Variants in FBXO25 observed in about 807,000 individuals in gnomAD.
FBXO25 encodes the protein F-box only protein 25.
Under a neutral mutation model 51.9 loss-of-function variants are expected in FBXO25, and 45 were observed. That is an observed-to-expected ratio of 0.87 (90% confidence interval 0.68 to 1.11). The LOEUF (loss-of-function observed/expected upper bound fraction) is 1.11. Ranked by LOEUF, FBXO25 falls within the 50% of genes most tolerant of loss-of-function variation. The pLI is 0.00. For synonymous variants in FBXO25, 199 were observed against 151.0 expected, an observed-to-expected ratio of 1.32 and a Z score of -2.33; for missense variants, 507 against 428.5, an observed-to-expected ratio of 1.18 and a Z score of -1.62.
intron 5 of FBXO25, among the ~76,000 whole-genome samples, chr8:443,956 G>C (rs1798583044): frequency 6.6e-6 from 1 of 152,002 alleles, no homozygotes; most frequent in Non-Finnish European, 1.5e-5. Flanking sequence ...CAGATTGTGG[G>C]ATCCCCCTGC....
At chr8:430,067 C>T (rs1480257733) in intron 2 of FBXO25, among the ~76,000 whole-genome samples, 1 of 152,230 alleles carries the variant, frequency 6.6e-6, no homozygotes, top group Non-Finnish European at 1.5e-5. Context: ...GTCCTTCTCC[C>T]TGTACGTATG....
chr8:433,872 A>C (rs1421802220), intron 4 of FBXO25, among the ~76,000 whole-genome samples: 3 of 152,224 alleles, frequency 2.0e-5, no homozygotes, highest in African/African-American at 7.2e-5. Context: ...GTGGGTATAG[A>C]ATGAATCAGA....
At chr8:444,928 GA>G (rs1207928460) in intron 5 of FBXO25, among the ~76,000 whole-genome samples, 1 of 152,206 alleles carries the variant, frequency 6.6e-6, no homozygotes, top group African/African-American at 2.4e-5. Flanking sequence ...TCTCGGATCA[GA>G]TTGTATCCCC....
intron 7 of FBXO25, among the ~76,000 whole-genome samples, chr8:455,342 G>C (rs755674859): frequency 6.6e-6 from 1 of 152,220 alleles, no homozygotes; most frequent in Non-Finnish European, 1.5e-5. Context: ...AGCAGTGACA[G>C]TGAAATGGGA....
intron 9 of FBXO25, chr8:467,647 C>A: frequency 6.7e-7 from 1 of 1,484,586 alleles, no homozygotes. Context: ...CTGGCTCTTT[C>A]TAATCTTAAC....
intron 5 of FBXO25, among the ~76,000 whole-genome samples, chr8:436,539 C>G (rs756411804): frequency 2.6e-4 from 39 of 152,198 alleles, no homozygotes; most frequent in Non-Finnish European, 4.3e-4. Context: ...CTACTACTTA[C>G]AACTCCTGTT....
intron 2 of FBXO25, among the ~76,000 whole-genome samples, chr8:426,896 T>C (rs1388160906): frequency 1.3e-5 from 2 of 152,198 alleles, no homozygotes; most frequent in Non-Finnish European, 2.9e-5. Context: ...TGTGTCGTGT[T>C]AGATATTTAG....
At chr8:450,220 A>T in intron 6 of FBXO25, 137 bp downstream of exon 6, 1 of 535,664 alleles carries the variant, frequency 1.9e-6, no homozygotes, top group South Asian at 3.4e-5. Context: ...TAACATCAGA[A>T]ATACAGGTCA....
At position 458,356 on chromosome 8, in the gene FBXO25, G is replaced by C. The variant is rs1799590052; in HGVS notation, c.661-13G>C. 1 of 1,611,098 alleles carries C rather than the reference G, an allele frequency of 6.2e-7. No homozygotes were observed. On this transcript the variant is annotated splice_polypyrimidine_tract_variant and intron_variant, in intron 7 of 9. Coordinates refer to ENST00000350302, the MANE Select transcript of FBXO25 (RefSeq NM_183420.2). ...CATCTTCTCAGTGAGTTGCTGTTGT[G>C]TTTTCCTTTCAGCAAGTGAACAATG... is the stretch of plus-strand genomic sequence containing the variant.
At chr8:461,704 T>C (rs532147595) in intron 8 of FBXO25, among the ~76,000 whole-genome samples, 16 of 152,258 alleles carry the variant, frequency 1.1e-4, no homozygotes, top group African/African-American at 3.9e-4. Context: ...CCTAATCGAC[T>C]TTCTGTCTCT....
chr8:457,080 T>C (rs1799489153), intron 7 of FBXO25, among the ~76,000 whole-genome samples: 1 of 152,202 alleles, frequency 6.6e-6, no homozygotes, highest in Non-Finnish European at 1.5e-5. Context: ...GCTCTCCTTG[T>C]GGCCAAGTAC....
At chr8:432,723 G>A (rs1797887682) in intron 3 of FBXO25, among the ~76,000 whole-genome samples, 163 bp from the exon 4 acceptor site, 1 of 152,188 alleles carries the variant, frequency 6.6e-6, no homozygotes, top group Non-Finnish European at 1.5e-5. Context: ...ACTGATTTAA[G>A]AAACAAAGCA....
chr8:418,548 C>T (rs12547316), intron 2 of FBXO25, among the ~76,000 whole-genome samples: 1 of 151,842 alleles, frequency 6.6e-6, no homozygotes, highest in African/African-American at 2.4e-5. Context: ...CCATATTGAC[C>T]AGAATGGTCT....
chr8:418,142 G>A (rs1267297876), intron 2 of FBXO25, among the ~76,000 whole-genome samples: 2 of 152,016 alleles, frequency 1.3e-5, no homozygotes, highest in Admixed American at 6.6e-5. Flanking sequence ...CCTTGTGTAG[G>A]CTGCATGTGT....
intron 2 of FBXO25, among the ~76,000 whole-genome samples, chr8:416,905 A>G (rs572294860): frequency 9.9e-5 from 15 of 152,208 alleles, no homozygotes; most frequent in Non-Finnish European, 2.1e-4. Flanking sequence ...AGTATGTGGG[A>G]GATAAGAAAT....
At chr8:433,068 C>A in intron 4 of FBXO25, 133 bp downstream of exon 4, 1 of 1,201,170 alleles carries the variant, frequency 8.3e-7, no homozygotes, top group Non-Finnish European at 1.1e-6. Flanking sequence ...GGTTCACATT[C>A]TGACAGATAA....
intron 7 of FBXO25, among the ~76,000 whole-genome samples, chr8:452,192 T>G (rs538601706): frequency 6.6e-6 from 1 of 152,338 alleles, no homozygotes; most frequent in South Asian, 2.1e-4. Context: ...TGCCTTAACT[T>G]TTGGCTGTTT....
chr8:467,720 GACTACC>G, intron 9 of FBXO25: 1 of 1,613,856 alleles, frequency 6.2e-7, no homozygotes, highest in East Asian at 2.2e-5. Flanking sequence ...GATCTCGAAG[GACTACC>G]ATCTTGCTTT....
intron 2 of FBXO25, among the ~76,000 whole-genome samples, chr8:425,705 C>G (rs1159578066): frequency 6.6e-6 from 1 of 151,562 alleles, no homozygotes; most frequent in Admixed American, 6.6e-5. Context: ...TATATTTTCC[C>G]AGCCTTTTAT....
Sources: gnomAD v4.1 joint callset for allele counts (sites outside exome capture counted in the v4.1 genomes callset) on GRCh38, gnomAD v4.1.1 for gene constraint, MANE v1.5 for transcripts, NCBI Gene and HGNC (gene_info 2026-07-23, HGNC 2026-07-21) for gene names.